Variants in GDAP1 observed in about 807,000 individuals in gnomAD.
The protein encoded by GDAP1 is ganglioside-induced differentiation-associated protein 1.
In GDAP1, 34 loss-of-function variants were observed where a neutral mutation model predicts 40.1. The ratio of observed to expected loss-of-function variants is 0.85; its 90% CI spans 0.64 to 1.13. The LOEUF is 1.13. GDAP1 is among the 50% of genes most tolerant of loss of function. The pLI, the probability that GDAP1 is intolerant of heterozygous loss-of-function variation, is 0.00. For missense variants in GDAP1, 374 were observed against 433.7 expected, an observed-to-expected ratio of 0.86 and a Z score of 1.22; for synonymous variants, 170 against 157.4, an observed-to-expected ratio of 1.08 and a Z score of -0.60.
chr8:74,469,495 C>G (rs1257812913), intron 2 of GDAP1, among the ~76,000 whole-genome samples: 1 of 151,720 alleles, frequency 6.6e-6, no homozygotes, highest in Non-Finnish European at 1.5e-5. Flanking sequence ...GATGAAACCC[C>G]GTCTCTACTA....
In GDAP1 at chr8:74,391,169, G is replaced by A. The variant is rs181241300; in HGVS notation, c.165+39848G>A. Among the ~76,000 whole-genome samples, 139 of 150,762 alleles carry A rather than the reference G, an allele frequency of 9.2e-4. 1 individual carries two copies. Among genetic ancestry groups the A allele is most frequent in the Non-Finnish European group, 9.8e-4 (66 of 67,616 alleles). Reference sequence around the variant, plus strand: ...CCACTTAGCTTCCTGACTTCAGCCCGCTTTACAGGGTAGTGAACGGTTCGG... The same window carrying A: ...CCACTTAGCTTCCTGACTTCAGCCCACTTTACAGGGTAGTGAACGGTTCGG... On this transcript the variant is annotated intron_variant, in intron 2 of 2. Coordinates refer to the GDAP1 transcript ENST00000523640.
At chr8:74,429,849 T>A (rs967819940) in intron 2 of GDAP1, among the ~76,000 whole-genome samples, 6 of 152,072 alleles carry the variant, frequency 3.9e-5, no homozygotes, top group Admixed American at 6.5e-5. Context: ...ATAATATTTT[T>A]AATTATATTT....
At chr8:74,438,882 A>G (rs1184187629) in intron 2 of GDAP1, among the ~76,000 whole-genome samples, 1 of 152,202 alleles carries the variant, frequency 6.6e-6, no homozygotes, top group African/African-American at 2.4e-5. Context: ...GATTACAGGC[A>G]TGAGCCACTG....
intron 2 of GDAP1, among the ~76,000 whole-genome samples, chr8:74,402,344 A>C (rs996111284): frequency 6.6e-6 from 1 of 150,452 alleles, no homozygotes; most frequent in Non-Finnish European, 1.5e-5. Flanking sequence ...CCGTGGGCGT[A>C]GGACCCTCCG....
intron 2 of GDAP1, among the ~76,000 whole-genome samples, chr8:74,435,434 A>ATCAT (rs1280860493): frequency 2.0e-5 from 3 of 152,232 alleles, no homozygotes; most frequent in Non-Finnish European, 4.4e-5. Context: ...AGCAGTTGAA[A>ATCAT]TCATTTCAAG....
chr8:74,350,664 G>A lies in GDAP1; in HGVS notation c.117+86G>A, dbSNP rs1808812815. 4.4e-6 allele frequency: 4 copies of A among 915,514 alleles called. No individual in the cohort carries two copies. In the Admixed American group the frequency reaches 5.1e-5, roughly 12 times the overall value. The allele number at this position is 915,514 out of a possible 1,614,324, so 56.7% of individuals were successfully genotyped here. On this transcript the variant is annotated intron_variant, in intron 1 of 5. Transcript: ENST00000220822. ...CTTCTGAGTCCCGCCCAGGGAAGCCGGTCCACCTAGAAATCCGCCTCCAGT... is the reference window on the plus strand; with the variant it reads ...CTTCTGAGTCCCGCCCAGGGAAGCCAGTCCACCTAGAAATCCGCCTCCAGT...
chr8:74,488,183 A>G (rs937762440), intron 2 of GDAP1, among the ~76,000 whole-genome samples: 5 of 152,214 alleles, frequency 3.3e-5, no homozygotes, highest in Non-Finnish European at 7.3e-5. Flanking sequence ...TTAAACTAGC[A>G]CATTCATTCA....
intron 2 of GDAP1, among the ~76,000 whole-genome samples, chr8:74,474,344 T>A (rs925757011): frequency 2.6e-5 from 4 of 152,146 alleles, no homozygotes; most frequent in African/African-American, 9.7e-5. Flanking sequence ...ATAGGAGTGG[T>A]GAGAGAGGGC....
chr8:74,409,868 T>G (rs1211118017), intron 2 of GDAP1, among the ~76,000 whole-genome samples: 2 of 149,954 alleles, frequency 1.3e-5, no homozygotes, highest in African/African-American at 5.1e-5. Context: ...CCCTGCTATA[T>G]AGACCCCAAA....
intron 2 of GDAP1, among the ~76,000 whole-genome samples, chr8:74,395,450 T>C (rs1473359595): frequency 2.0e-5 from 3 of 152,294 alleles, no homozygotes; most frequent in Middle Eastern, 3.4e-3. Context: ...AGAACAATAG[T>C]AAATTGGATG....
intron 2 of GDAP1, among the ~76,000 whole-genome samples, chr8:74,467,599 C>T (rs1806486886): frequency 6.6e-6 from 1 of 152,252 alleles, no homozygotes; most frequent in South Asian, 2.1e-4. Context: ...TACAATAAAG[C>T]TGCTAGGTTC....
chr8:74,410,725 G>A (rs965028326), intron 2 of GDAP1, among the ~76,000 whole-genome samples: 1 of 150,260 alleles, frequency 6.7e-6, no homozygotes, highest in Non-Finnish European at 1.5e-5. Context: ...CTGAACAGAA[G>A]CATGTGAAAA....
intron 3 of GDAP1, 72 bp from the exon 4 acceptor site, chr8:74,361,812 C>A: frequency 1.1e-6 from 1 of 887,220 alleles, no homozygotes. Flanking sequence ...CATTGAGTTT[C>A]TCTGCTTCTC....
chr8:74,431,524 CAG>C (rs1370579709), intron 2 of GDAP1, among the ~76,000 whole-genome samples: 1 of 152,070 alleles, frequency 6.6e-6, no homozygotes, highest in African/African-American at 2.4e-5. Context: ...CTCTGTCACC[CAG>C]GCTGGAGCAC....
intron 2 of GDAP1, among the ~76,000 whole-genome samples, chr8:74,465,036 A>G (rs1056322086): frequency 6.6e-6 from 1 of 152,072 alleles, no homozygotes; most frequent in African/African-American, 2.4e-5. Context: ...CCTGGGCAAC[A>G]TGGTGAAAGC....
chr8:74,430,395 G>C (rs551836539), intron 2 of GDAP1, among the ~76,000 whole-genome samples: 127 of 152,274 alleles, frequency 8.3e-4, no homozygotes, highest in African/African-American at 2.9e-3. Context: ...CAAATTCCCA[G>C]AGTAAGAAGC....
In GDAP1 at chr8:74,365,391, T is replaced by C; in HGVS notation, c.*1024T>C. ...AGTGATGCATACCTGTATTCACTGA[T>C]GTATGTTTAAGGGATTTGGGGGGGA... is the stretch of plus-strand genomic sequence containing the variant. On this transcript the variant is annotated 3_prime_UTR_variant, in exon 6 of 6. Transcript: ENST00000220822. The C allele has an allele frequency of 2.2e-6, 1 of 453,952 alleles. No homozygotes were observed. Among genetic ancestry groups the C allele is most frequent in the Non-Finnish European group, 4.4e-6 (1 of 226,776 alleles). 28.1% of individuals were successfully genotyped at this position (453,952 alleles called of 1,614,324 possible).
chr8:74,363,064 A>C lies in GDAP1; in HGVS notation c.694+11A>C. ...ATGAAGAAACCCCAGGTAGGTTCTC[A>C]TTTATATTCTTTCTCTCTTTTCAAC... On this transcript the variant is annotated intron_variant, in intron 5 of 5. Coordinates refer to ENST00000220822, the MANE Select transcript of GDAP1 (RefSeq NM_018972.4). The C allele has an allele frequency of 1.7e-6, 2 of 1,180,092 alleles. No homozygotes were observed. Among genetic ancestry groups the C allele is most frequent in the Non-Finnish European group, 2.6e-6 (2 of 784,020 alleles). The allele number at this position is 1,180,092 out of a possible 1,614,324, so 73.1% of individuals were successfully genotyped here.
Position 74,364,593 on chromosome 8 carries a change from G to C in GDAP1, c.*226G>C. On this transcript the variant is annotated 3_prime_UTR_variant, in exon 6 of 6. Transcript: ENST00000220822. ...CAGAAATAGGAAGGCAAAGAGATAA[G>C]AGAAGGAAAAATGAGAGAATGAAGT... The C allele has an allele frequency of 1.5e-6, 1 of 663,754 alleles. No individual in the cohort carries two copies. The highest frequency in any genetic ancestry group is 3.9e-4 in the Middle Eastern group (1 of 2,552). 41.1% of individuals were successfully genotyped at this position (663,754 alleles called of 1,614,324 possible). A position where few individuals can be genotyped will look rare whatever the true frequency, so the allele number is the denominator to read the frequency against.
Sources: gnomAD v4.1 joint callset for allele counts (sites outside exome capture counted in the v4.1 genomes callset) on GRCh38, gnomAD v4.1.1 for gene constraint, MANE v1.5 for transcripts, NCBI Gene and HGNC (gene_info 2026-07-23, HGNC 2026-07-21) for gene names.